CARD8: variants seen among roughly 807,000 people sequenced by gnomAD.
The protein encoded by CARD8 is caspase recruitment domain-containing protein 8.
A neutral mutation model predicts 53.2 loss-of-function variants in CARD8; 38 were observed. That is an observed-to-expected ratio of 0.71 (90% CI 0.55 to 0.94). The LOEUF is 0.94. CARD8 is among the 40% of genes least tolerant of loss of function. CARD8 has a pLI of 0.00. For missense variants in CARD8, 561 were observed against 655.5 expected (o/e 0.86, Z 1.57); for synonymous variants, 245 against 244.9 (o/e 1.00, Z 0.00).
At position 48,221,813 on chromosome 19, in the gene CARD8, G is replaced by A. The variant is rs754170971; in HGVS notation, c.1078C>T (p.Gln360Ter). 4 of 1,610,540 alleles carry A rather than the reference G, an allele frequency of 2.5e-6. No homozygotes were observed. The highest frequency in any genetic ancestry group is 1.1e-5 in the South Asian group (1 of 90,720). The change falls in exon 11 of 14, where the codon CAG becomes TAG. Residue 360 changes from glutamine (Q) to a stop codon, truncating the protein, a stop_gained. Coordinates refer to ENST00000651546, the MANE Select transcript of CARD8 (RefSeq NM_001184900.3). LOFTEE classifies it high-confidence loss of function. ...EEDRFHGVRL[Q>*]TSPPMEPLNF... ...AGGGGTTCCATTGGGGGCGAAGTCT[G>A]CAGGCGCACACCATGGAAGCGATCT...
chr19:48,254,358 A>G (rs1475919970), intron 1 of CARD8, among the ~76,000 whole-genome samples: 1 of 152,264 alleles, frequency 6.6e-6, no homozygotes, highest in African/African-American at 2.4e-5. Flanking sequence ...AATTCTGTAG[A>G]AATCCATCAT....
At chr19:48,203,413 C>G (rs758373099), downstream of CARD8, 3 of 152,232 alleles carry the variant, frequency 2.0e-5, no homozygotes, top group Non-Finnish European at 4.4e-5. Context: ...GGTTCAAATC[C>G]CAGCTCCACT....
Position 48,234,555 on chromosome 19 carries a change from C to A in CARD8, c.210-12G>T, listed in dbSNP as rs12461019. ...GCTCCCTGTATACCCTGGAAAACAA[C>A]AACAGAATTTTTACTATGAATATAA... On this transcript the variant is annotated splice_polypyrimidine_tract_variant and intron_variant, in intron 5 of 13. Transcript: ENST00000651546. The A allele has an allele frequency of 1.9e-5, 30 of 1,609,334 alleles. No homozygotes were observed. In the African/African-American group the frequency reaches 3.8e-4, roughly 20 times the overall value.
At chr19:48,236,550 C>T (rs188681098) in intron 5 of CARD8, among the ~76,000 whole-genome samples, 182 of 152,292 alleles carry the variant, frequency 1.2e-3, no homozygotes, top group Admixed American at 3.6e-3. Flanking sequence ...GTTCTTTAAG[C>T]TCTACCATCC....
At chr19:48,238,567 T>C (rs990896982) in intron 4 of CARD8, 35 bp from the exon 5 acceptor site, 19 of 1,530,944 alleles carry the variant, frequency 1.2e-5, no homozygotes, top group East Asian at 2.4e-5. Flanking sequence ...AATGTGAGCA[T>C]GTCAGAGGAG....
intron 13 of CARD8, among the ~76,000 whole-genome samples, chr19:48,214,356 A>C (rs2038734246): frequency 1.3e-5 from 2 of 152,218 alleles, no homozygotes; most frequent in African/African-American, 4.8e-5. Context: ...CACCAGGGAA[A>C]GGCCGTCTCC....
At chr19:48,232,887 A>G in intron 6 of CARD8, 1 of 425,160 alleles carries the variant, frequency 2.4e-6, no homozygotes, top group Non-Finnish European at 4.6e-6. Flanking sequence ...GTGTCTTGAC[A>G]TCTCTCCTTC....
At chr19:48,242,057 A>C (rs1189737939) in intron 3 of CARD8, among the ~76,000 whole-genome samples, 1 of 152,100 alleles carries the variant, frequency 6.6e-6, no homozygotes, top group Non-Finnish European at 1.5e-5. Context: ...AGGTTGACTC[A>C]TTCTGGACAT....
At chr19:48,206,479 T>C (rs1568593056), downstream of CARD8, 1 of 461,402 alleles carries the variant, frequency 2.2e-6, no homozygotes, top group Non-Finnish European at 4.4e-6. Context: ...GTGCAGCCAG[T>C]TCTAGGCAAG....
chr19:48,247,167 T>C (rs1368586012), intron 3 of CARD8, among the ~76,000 whole-genome samples: 1 of 151,896 alleles, frequency 6.6e-6, no homozygotes, highest in East Asian at 1.9e-4. Context: ...CTACGAAAAA[T>C]ACAAAAATTA....
In CARD8 at chr19:48,230,562, C is replaced by T. The variant is rs149533293; in HGVS notation, c.911G>A (p.Arg304Gln). Residue 304 changes from arginine (R) to glutamine (Q), a missense_variant, in exon 10 of 14, where the codon CGG becomes CAG. Coordinates refer to ENST00000651546, the MANE Select transcript of CARD8 (RefSeq NM_001184900.3). ...GGAGAGGCGAGTCCCACTGGCGATC[C>T]GCAGCAGGATGCCCATCAGAGAGAA... Reference protein sequence around the residue: ...PSFSLMGILLRIASGTRLSIP... With the variant: ...PSFSLMGILLQIASGTRLSIP... 29 of 1,613,970 alleles carry T rather than the reference C, an allele frequency of 1.8e-5. No homozygotes were observed. The highest frequency in any genetic ancestry group is 9.3e-5 in the African/African-American group (7 of 74,892).
At chr19:48,232,848 T>C in intron 6 of CARD8, 1 of 468,514 alleles carries the variant, frequency 2.1e-6, no homozygotes, top group South Asian at 1.6e-5. Flanking sequence ...TTATAAATAA[T>C]AGAGATAACA....
chr19:48,232,659 G>C lies in CARD8; in HGVS notation c.351-166C>G, dbSNP rs1194309767. 7.1e-6 allele frequency: 5 copies of C among 709,026 alleles called. No homozygotes were observed. The South Asian group carries it at 7.5e-5, about 11-fold the overall frequency. 43.9% of individuals were successfully genotyped at this position (709,026 alleles called of 1,614,324 possible). On this transcript the variant is annotated intron_variant, in intron 6 of 13. Coordinates refer to ENST00000651546, the MANE Select transcript of CARD8 (RefSeq NM_001184900.3). Reference sequence around the variant, plus strand: ...ATGAATTAAACTTAGGTAAACTTTAGTTTCTCAGTTGCACTATCCATATTT... The same window carrying C: ...ATGAATTAAACTTAGGTAAACTTTACTTTCTCAGTTGCACTATCCATATTT...
In CARD8 at chr19:48,251,967, C is replaced by G. The variant is rs560828455; in HGVS notation, c.-251-2120G>C. 7.2e-5 allele frequency among the ~76,000 whole-genome samples: 11 copies of G among 152,286 alleles called. 1 individual carries two copies. Among genetic ancestry groups the G allele is most frequent in the Middle Eastern group, 3.4e-3 (1 of 294 alleles). On this transcript the variant is annotated intron_variant, in intron 1 of 13. Transcript: ENST00000651546. ...GCTTTGTGTGCTTTTATTGCTCAAA[C>G]AACTTCATCACTCTTTATTTCTTTT... is the stretch of plus-strand genomic sequence containing the variant.
intron 3 of CARD8, among the ~76,000 whole-genome samples, chr19:48,241,348 C>T (rs1385838608): frequency 7.2e-5 from 11 of 152,092 alleles, no homozygotes; most frequent in African/African-American, 1.7e-4. Context: ...CTCCACCTCC[C>T]GGGTTCAAGC....
chr19:48,234,199 G>T (rs2043436457), intron 6 of CARD8: 3 of 539,628 alleles, frequency 5.6e-6, no homozygotes, highest in Non-Finnish European at 9.7e-6. Context: ...TTTGTGTATA[G>T]GTTCTCTAGA....
At chr19:48,214,970 GT>G (rs1276564089) in intron 13 of CARD8, among the ~76,000 whole-genome samples, 1 of 151,576 alleles carries the variant, frequency 6.6e-6, no homozygotes, top group African/African-American at 2.4e-5. Flanking sequence ...TTGTATTTAA[GT>G]AGAGATGGGG....
In CARD8 at chr19:48,218,966, G is replaced by A. The variant is rs2039944136; in HGVS notation, c.1208C>T (p.Ser403Leu). The A allele has an allele frequency of 6.2e-7, 1 of 1,613,848 alleles. No homozygotes were observed. The highest frequency in any genetic ancestry group is 1.6e-4 in the Middle Eastern group (1 of 6,062). ...CTTCATCTGCCCAGCATAGAATTTT[G>A]AGAAGTGCTGAATTTCTCCAGGGCT... Reference protein sequence around the residue: ...YRSPGEIQHFSKFYAGQMKEP... With the variant: ...YRSPGEIQHFLKFYAGQMKEP... Residue 403 changes from serine (S) to leucine (L), a missense_variant, in exon 12 of 14, where the codon TCA becomes TTA. Physicochemically the swap from Ser to Leu is moderately radical, Grantham distance 145 (BLOSUM62 -2). Coordinates refer to ENST00000651546, the MANE Select transcript of CARD8 (RefSeq NM_001184900.3).
downstream of CARD8, among the ~76,000 whole-genome samples, chr19:48,207,490 T>A (rs984647011): frequency 5.7e-5 from 3 of 52,434 alleles, no homozygotes; most frequent in Non-Finnish European, 1.9e-4. Flanking sequence ...ATGTAGTATT[T>A]TTATGGCTTT....
Sources: allele counts gnomAD v4.1 joint callset (sites outside exome capture counted in the v4.1 genomes callset), GRCh38; gene constraint gnomAD v4.1.1; transcripts MANE v1.5; gene names NCBI Gene and HGNC (gene_info 2026-07-23, HGNC 2026-07-21).